Variants in KCNJ3 observed in about 807,000 individuals in gnomAD.
The protein encoded by KCNJ3 is potassium inwardly rectifying channel subfamily J member 3, also known as G protein-activated inward rectifier potassium channel 1.
KCNJ3 carries 4 observed loss-of-function variants against 39.2 expected under a neutral mutation model. That is an observed-to-expected ratio of 0.10 (90% CI 0.05 to 0.23). The LOEUF (loss-of-function observed/expected upper bound fraction) is 0.23, where lower values mean the gene tolerates loss of function less well. KCNJ3 is among the 10% of genes least tolerant of loss of function. KCNJ3 has a pLI of 1.00. For missense variants in KCNJ3, 276 were observed against 634.9 expected (o/e 0.43, Z 6.08); for synonymous variants, 230 against 237.4 (o/e 0.97, Z 0.29).
At chr2:154,832,111 C>T (rs1028124013) in intron 2 of KCNJ3, among the ~76,000 whole-genome samples, 3 of 152,126 alleles carry the variant, frequency 2.0e-5, no homozygotes, top group African/African-American at 4.8e-5. Context: ...ATGGAGAATG[C>T]ATTGCACCAA....
At chr2:154,767,855 C>A (rs1288076624) in intron 2 of KCNJ3, among the ~76,000 whole-genome samples, 3 of 152,200 alleles carry the variant, frequency 2.0e-5, no homozygotes, top group Non-Finnish European at 4.4e-5. Context: ...CCTGTTGTTT[C>A]CTGACTTTTT....
intron 2 of KCNJ3, among the ~76,000 whole-genome samples, chr2:154,740,200 C>T (rs1268821562): frequency 6.6e-6 from 1 of 151,914 alleles, no homozygotes; most frequent in African/African-American, 2.4e-5. Flanking sequence ...TATTGTTTTT[C>T]TTCAACTCTG....
chr2:154,709,922 C>G, intron 2 of KCNJ3, 103 bp downstream of exon 2: 1 of 1,315,128 alleles, frequency 7.6e-7, no homozygotes. Flanking sequence ...TCAGAGTTTA[C>G]AATAATGAAA....
chr2:154,779,075 T>A (rs1236913606), intron 2 of KCNJ3, among the ~76,000 whole-genome samples: 1 of 152,142 alleles, frequency 6.6e-6, no homozygotes, highest in East Asian at 1.9e-4. Context: ...GTACTTATTC[T>A]GAAATGAAAT....
At chr2:154,728,957 C>T (rs1294540380) in intron 2 of KCNJ3, among the ~76,000 whole-genome samples, 1 of 152,100 alleles carries the variant, frequency 6.6e-6, no homozygotes, top group African/African-American at 2.4e-5. Context: ...TACTCTGGGA[C>T]ATCCAGTAAA....
intron 2 of KCNJ3, among the ~76,000 whole-genome samples, chr2:154,759,817 G>C (rs981112530): frequency 3.3e-5 from 5 of 151,938 alleles, no homozygotes; most frequent in African/African-American, 1.2e-4. Context: ...ATAAAATTTT[G>C]TTCATGTATT....
chr2:154,761,756 A>G (rs1384409960), intron 2 of KCNJ3, among the ~76,000 whole-genome samples: 1 of 152,148 alleles, frequency 6.6e-6, no homozygotes, highest in Non-Finnish European at 1.5e-5. Flanking sequence ...AGAGCCTGTG[A>G]GAATTATGTA....
chr2:154,724,374 T>C (rs116507289), intron 2 of KCNJ3, among the ~76,000 whole-genome samples: 46 of 152,244 alleles, frequency 3.0e-4, no homozygotes, highest in South Asian at 2.1e-3. Flanking sequence ...ATATCTTAGT[T>C]CAGTAAGTGC....
chr2:154,716,114 T>G (rs1310502834), intron 2 of KCNJ3, among the ~76,000 whole-genome samples: 1 of 151,670 alleles, frequency 6.6e-6, no homozygotes, highest in East Asian at 1.9e-4. Flanking sequence ...ATTATTATTT[T>G]GAGATGGAGT....
Position 154,698,700 on chromosome 2 carries a change from C to CCT in KCNJ3, c.-76_-75insCT. The stretch of plus-strand genomic sequence containing the variant: ...CCCTTTCCTCCCCCGCCCCCACCTC[C>CCT]TTATTGGTGCTAGTTTGCAGCGCCC... On this transcript the variant is annotated 5_prime_UTR_variant, in exon 1 of 3. Transcript: ENST00000295101. The CCT allele has an allele frequency of 2.3e-6, 2 of 856,930 alleles. No homozygotes were observed. The highest frequency in any genetic ancestry group is 3.7e-6 in the Non-Finnish European group (2 of 533,712). The allele number at this position is 856,930 out of a possible 1,614,324, so 53.1% of individuals were successfully genotyped here. A position where few individuals can be genotyped will look rare whatever the true frequency, so the allele number is the denominator to read the frequency against.
intron 2 of KCNJ3, among the ~76,000 whole-genome samples, chr2:154,805,514 A>G (rs1574469069): frequency 6.6e-6 from 1 of 152,186 alleles, no homozygotes; most frequent in Non-Finnish European, 1.5e-5. Flanking sequence ...TCAGCACATC[A>G]TATGAATTAC....
At chr2:154,772,859 T>A (rs1465604578) in intron 2 of KCNJ3, among the ~76,000 whole-genome samples, 1 of 152,042 alleles carries the variant, frequency 6.6e-6, no homozygotes, top group Admixed American at 6.6e-5. Context: ...AAAGCTTCAA[T>A]CATACAAACT....
At chr2:154,704,354 G>T (rs968631099) in intron 1 of KCNJ3, among the ~76,000 whole-genome samples, 6 of 152,052 alleles carry the variant, frequency 3.9e-5, no homozygotes, top group African/African-American at 1.4e-4. Context: ...TGTGCAAGTA[G>T]GGTTACGAAG....
At position 154,709,833 on chromosome 2, in the gene KCNJ3, G is replaced by A. The variant is rs1252711691; in HGVS notation, c.919+14G>A. ...TGGAAACAACTGGTGAGTAAAAACAGATATGCCATAAAGTTTCTTTATACC... is the reference window on the plus strand; with the variant it reads ...TGGAAACAACTGGTGAGTAAAAACAAATATGCCATAAAGTTTCTTTATACC... On this transcript the variant is annotated intron_variant, in intron 2 of 2. Coordinates refer to ENST00000295101, the MANE Select transcript of KCNJ3 (RefSeq NM_002239.4). 6.2e-7 allele frequency: 1 copy of A among 1,612,928 alleles called. No individual in the cohort carries two copies. Among genetic ancestry groups the A allele is most frequent in the East Asian group, 2.2e-5 (1 of 44,864 alleles).
intron 2 of KCNJ3, among the ~76,000 whole-genome samples, chr2:154,846,849 T>G (rs1426915534): frequency 6.6e-6 from 1 of 152,182 alleles, no homozygotes; most frequent in Non-Finnish European, 1.5e-5. Flanking sequence ...GTTTCTAAAA[T>G]TCTTATTGAA....
intron 2 of KCNJ3, among the ~76,000 whole-genome samples, chr2:154,755,508 G>T (rs16838098): frequency 6.7e-6 from 1 of 150,090 alleles, no homozygotes; most frequent in Non-Finnish European, 1.5e-5. Flanking sequence ...AAAGGTTAAG[G>T]ATACCTGTAA....
In KCNJ3 at chr2:154,855,037, A is replaced by G. The variant is rs1687813940; in HGVS notation, c.1230A>G (p.Glu410=). The change falls in exon 3 of 3, where the codon GAA becomes GAG. Residue 410 remains glutamate, a synonymous_variant. Coordinates refer to ENST00000295101, the MANE Select transcript of KCNJ3 (RefSeq NM_002239.4). ...PSKLQKITGR[E]DFPKKLLRMS... is the part of the protein sequence containing the mutation. ...AGCTGCAGAAAATTACTGGAAGAGA[A>G]GACTTTCCCAAAAAACTCTTGAGGA... 6.2e-7 allele frequency: 1 copy of G among 1,614,022 alleles called. No individual in the cohort carries two copies. Among genetic ancestry groups the G allele is most frequent in the Non-Finnish European group, 8.5e-7 (1 of 1,179,994 alleles).
At chr2:154,832,281 G>A (rs897897411) in intron 2 of KCNJ3, among the ~76,000 whole-genome samples, 2 of 152,138 alleles carry the variant, frequency 1.3e-5, no homozygotes, top group Admixed American at 6.5e-5. Flanking sequence ...GAAATCAAAT[G>A]TATGAAAATG....
At chr2:154,722,922 C>T (rs34828645) in intron 2 of KCNJ3, among the ~76,000 whole-genome samples, 2,019 of 152,204 alleles carry the variant, frequency 0.013, 20 homozygotes, top group Non-Finnish European at 0.022. Flanking sequence ...GATAAAGTTT[C>T]ATGCTTGAAG....
Sources: allele counts gnomAD v4.1 joint callset (sites outside exome capture counted in the v4.1 genomes callset), GRCh38; gene constraint gnomAD v4.1.1; transcripts MANE v1.5; gene names NCBI Gene and HGNC (gene_info 2026-07-23, HGNC 2026-07-21).